The following UBE2L3 variants were observed in gnomAD, a reference collection of about 807,000 sequenced individuals.
UBE2L3 encodes ubiquitin conjugating enzyme E2 L3, also known as ubiquitin-conjugating enzyme E2 L3.
Under a neutral mutation model 17.8 loss-of-function variants are expected in UBE2L3, and 1 was observed. The observed-to-expected ratio is 0.06, with a 90% confidence interval of 0.02 to 0.27. The LOEUF is 0.27. Among genes scored for constraint, UBE2L3 ranks in the 10% least tolerant of loss-of-function variants. UBE2L3 has a pLI of 1.00. For synonymous variants in UBE2L3, 44 were observed against 68.5 expected (o/e 0.64, Z 1.76); for missense variants, 40 against 192.6 (o/e 0.21, Z 4.69).
At chr22:21,617,158 A>AG (rs1402386983) in intron 3 of UBE2L3, among the ~76,000 whole-genome samples, 1 of 151,814 alleles carries the variant, frequency 6.6e-6, no homozygotes, top group African/African-American at 2.4e-5. Context: ...AAAAAAAAAA[A>AG]AAAAAGAAAA....
At chr22:21,614,225 C>T (rs1219616994) in intron 3 of UBE2L3, among the ~76,000 whole-genome samples, 1 of 152,238 alleles carries the variant, frequency 6.6e-6, no homozygotes, top group Admixed American at 6.5e-5. Flanking sequence ...TCAGCTGCCA[C>T]TGTCCTGCAA....
chr22:21,559,208 C>T (rs760271187), intron 1 of UBE2L3, among the ~76,000 whole-genome samples: 134 of 152,294 alleles, frequency 8.8e-4, no homozygotes, highest in Middle Eastern at 6.8e-3. Context: ...ATTAGCCGGA[C>T]GTGGTGGCAG....
intron 1 of UBE2L3, among the ~76,000 whole-genome samples, chr22:21,569,983 CT>C (rs1926868209): frequency 6.6e-6 from 1 of 152,252 alleles, no homozygotes; most frequent in Admixed American, 6.5e-5. Context: ...CTTCTCCTCA[CT>C]TCTCCCTTCC....
intron 3 of UBE2L3, among the ~76,000 whole-genome samples, chr22:21,612,647 T>A (rs1320085076): frequency 1.0e-5 from 1 of 97,004 alleles, no homozygotes; most frequent in Non-Finnish European, 1.9e-5. Flanking sequence ...TCTTTTCTTT[T>A]TTTTTTTTTT....
chr22:21,556,587 G>A (rs1338954511), intron 1 of UBE2L3, among the ~76,000 whole-genome samples: 43 of 151,826 alleles, frequency 2.8e-4, no homozygotes, highest in Non-Finnish European at 3.5e-4. Context: ...GCACCACCAT[G>A]CCCGGCTAAT....
intron 1 of UBE2L3, among the ~76,000 whole-genome samples, chr22:21,578,079 C>T (rs1031114659): frequency 4.6e-5 from 7 of 152,052 alleles, no homozygotes; most frequent in South Asian, 2.1e-4. Context: ...AGTCAGCGGC[C>T]GGGCACGGTG....
intron 2 of UBE2L3, among the ~76,000 whole-genome samples, chr22:21,593,696 C>G (rs1171766596): frequency 1.3e-5 from 2 of 152,168 alleles, no homozygotes; most frequent in African/African-American, 4.8e-5. Flanking sequence ...GAAACCACGT[C>G]ACACCCAGCC....
intron 1 of UBE2L3, among the ~76,000 whole-genome samples, chr22:21,589,963 G>T (rs1432920144): frequency 2.0e-5 from 3 of 152,176 alleles, no homozygotes; most frequent in Non-Finnish European, 2.9e-5. Flanking sequence ...TCACTCCCAT[G>T]GCAGTATTTC....
intron 2 of UBE2L3, among the ~76,000 whole-genome samples, chr22:21,603,907 AT>A (rs144747629): frequency 0.18 from 19,485 of 111,260 alleles, 1,553 homozygotes; most frequent in East Asian, 0.4. Context: ...GTGTTTTTTG[AT>A]TTTTTTTTTT....
In UBE2L3 at chr22:21,622,933, A is replaced by T. The variant is rs1308677979; in HGVS notation, c.*1264A>T. On this transcript the variant is annotated 3_prime_UTR_variant, in exon 4 of 4. Transcript: ENST00000342192. ...GAAATAAAAATTGACCTTAGAATTT[A>T]TCGTCAGATAAACTTGTAAAGATTT... 1 of 152,738 alleles carries T rather than the reference A, an allele frequency of 6.5e-6. No homozygotes were observed. The highest frequency in any genetic ancestry group is 1.9e-4 in the East Asian group (1 of 5,338). The allele number at this position is 152,738 out of a possible 1,614,324, so 9.5% of individuals were successfully genotyped here.
intron 3 of UBE2L3, among the ~76,000 whole-genome samples, chr22:21,615,769 G>A (rs1929738633): frequency 6.6e-6 from 1 of 152,168 alleles, no homozygotes; most frequent in African/African-American, 2.4e-5. Context: ...CAAAAAATTT[G>A]AAGTACCCCA....
intron 1 of UBE2L3, among the ~76,000 whole-genome samples, chr22:21,569,244 A>G (rs1390024827): frequency 6.6e-6 from 1 of 151,966 alleles, no homozygotes; most frequent in East Asian, 1.9e-4. Context: ...AAAAATATAA[A>G]AATTAGCTGG....
chr22:21,619,902 G>T (rs1929967156), intron 3 of UBE2L3, among the ~76,000 whole-genome samples: 1 of 152,280 alleles, frequency 6.6e-6, no homozygotes, highest in South Asian at 2.1e-4. Context: ...ATGTTGCCCA[G>T]GCTGGTCTTG....
At chr22:21,579,996 C>T (rs1927535114) in intron 1 of UBE2L3, among the ~76,000 whole-genome samples, 1 of 152,202 alleles carries the variant, frequency 6.6e-6, no homozygotes, top group Non-Finnish European at 1.5e-5. Flanking sequence ...CCTTGCACAA[C>T]ACAGGCACAT....
chr22:21,553,026 C>CTTTAT (rs376702499), intron 1 of UBE2L3, among the ~76,000 whole-genome samples: 3,650 of 6,872 alleles, frequency 0.53, 1,353 homozygotes, highest in Middle Eastern at 0.9. Flanking sequence ...GCGCATGGCC[C>CTTTAT]TTTATTTTAT....
intron 2 of UBE2L3, among the ~76,000 whole-genome samples, chr22:21,599,801 T>A (rs555012759): frequency 4.8e-4 from 73 of 152,170 alleles, no homozygotes; most frequent in Admixed American, 3.1e-3. Flanking sequence ...TTGTTTTGTT[T>A]TTTTCACTTC....
At chr22:21,605,832 C>G (rs929093281) in intron 2 of UBE2L3, among the ~76,000 whole-genome samples, 1 of 151,704 alleles carries the variant, frequency 6.6e-6, no homozygotes, top group Non-Finnish European at 1.5e-5. Context: ...GAGACAGGTT[C>G]TCATTCTGTC....
intron 1 of UBE2L3, among the ~76,000 whole-genome samples, chr22:21,557,177 C>A (rs1473287909): frequency 1.3e-5 from 2 of 152,250 alleles, no homozygotes; most frequent in African/African-American, 4.8e-5. Context: ...CCAGCCTAGA[C>A]AACATGGCAA....
intron 2 of UBE2L3, among the ~76,000 whole-genome samples, chr22:21,602,424 G>A (rs558424831): frequency 2.0e-5 from 3 of 152,342 alleles, no homozygotes; most frequent in East Asian, 1.9e-4. Context: ...GTGGCTGCCA[G>A]AGAGCTGTAT....
Sources: gnomAD v4.1 joint callset for allele counts (sites outside exome capture counted in the v4.1 genomes callset) on GRCh38, gnomAD v4.1.1 for gene constraint, MANE v1.5 for transcripts, NCBI Gene and HGNC (gene_info 2026-07-23, HGNC 2026-07-21) for gene names.